The following RICTOR variants were observed in gnomAD, a reference collection of about 807,000 sequenced individuals.
The protein encoded by RICTOR is RPTOR independent companion of MTOR complex 2, also known as rapamycin-insensitive companion of mTOR.
RICTOR carries 49 observed loss-of-function variants against 214.9 expected under a neutral mutation model. That is an observed-to-expected ratio of 0.23 (90% CI 0.18 to 0.29). RICTOR has a LOEUF of 0.29. Ranked by LOEUF, RICTOR falls within the 10% of genes least tolerant of loss-of-function variation. The pLI is 1.00. For missense variants in RICTOR, 1,625 were observed against 2,047.0 expected (o/e 0.79, Z 3.98); for synonymous variants, 717 against 711.3 (o/e 1.01, Z -0.13).
chr5:38,954,528 TAAC>T (rs1337810399), intron 27 of RICTOR, among the ~76,000 whole-genome samples: 1 of 151,900 alleles, frequency 6.6e-6, no homozygotes, highest in African/African-American at 2.4e-5. Context: ...TTACTCTACA[TAAC>T]AAGTTAGTTA....
At chr5:39,006,789 A>AGAG (rs1754106835) in intron 3 of RICTOR, among the ~76,000 whole-genome samples, 1 of 84,698 alleles carries the variant, frequency 1.2e-5, no homozygotes, top group African/African-American at 4.6e-5. Flanking sequence ...AGGGGAGGGG[A>AGAG]GGGGGTCCCA....
At chr5:38,991,985 T>C (rs1752814654) in intron 6 of RICTOR, among the ~76,000 whole-genome samples, 1 of 152,062 alleles carries the variant, frequency 6.6e-6, no homozygotes, top group African/African-American at 2.4e-5. Flanking sequence ...AAAATAAAAC[T>C]TGTGAGATGA....
intron 32 of RICTOR, 51 bp downstream of exon 32, chr5:38,947,213 G>GA (rs1748304824): frequency 1.2e-5 from 16 of 1,375,086 alleles, no homozygotes; most frequent in Non-Finnish European, 1.6e-5. Flanking sequence ...TACAGCATAT[G>GA]AAAAAATAGG....
At chr5:38,952,494 T>A (rs1274414495) in intron 29 of RICTOR, 69 bp from the exon 30 acceptor site, 4 of 1,016,396 alleles carry the variant, frequency 3.9e-6, no homozygotes, top group Non-Finnish European at 6.0e-6. Context: ...CACCACAGAT[T>A]AATTTGCTAT....
intron 31 of RICTOR, among the ~76,000 whole-genome samples, chr5:38,947,858 A>G (rs920208578): frequency 1.3e-5 from 2 of 152,146 alleles, no homozygotes; most frequent in African/African-American, 4.8e-5. Context: ...TATTATATTT[A>G]TAAAAAATGA....
chr5:39,005,513 T>C (rs893685563), intron 3 of RICTOR, among the ~76,000 whole-genome samples: 2 of 152,220 alleles, frequency 1.3e-5, no homozygotes, highest in East Asian at 3.8e-4. Context: ...CATTCCAATG[T>C]GCTAATGAAA....
chr5:39,063,836 A>T (rs1232201360), intron 2 of RICTOR, among the ~76,000 whole-genome samples: 1 of 142,544 alleles, frequency 7.0e-6, no homozygotes, highest in East Asian at 2.0e-4. Flanking sequence ...CAATGGGGTT[A>T]AAAAAAAAAA....
intron 5 of RICTOR, 107 bp downstream of exon 5, chr5:39,002,428 A>C: frequency 1.5e-6 from 1 of 666,960 alleles, no homozygotes; most frequent in Non-Finnish European, 2.6e-6. Context: ...ACACACACAA[A>C]ATTCATCAAA....
chr5:38,969,713 GGCTGAAGT>G (rs1462254746), intron 11 of RICTOR: 1 of 142,732 alleles, frequency 7.0e-6, no homozygotes, highest in African/African-American at 2.7e-5. Context: ...CTGTGGCCCA[GGCTGAAGT>G]GCAGTGGCGT....
At chr5:39,037,326 A>C (rs1359437763) in intron 2 of RICTOR, among the ~76,000 whole-genome samples, 1 of 152,146 alleles carries the variant, frequency 6.6e-6, no homozygotes, top group Non-Finnish European at 1.5e-5. Context: ...CAGTGTGTAG[A>C]GGGAAATTTA....
intron 2 of RICTOR, among the ~76,000 whole-genome samples, chr5:39,035,897 A>G (rs1756650774): frequency 6.6e-6 from 1 of 152,226 alleles, no homozygotes. Context: ...ACTCTGCAGG[A>G]TATTATCCAG....
chr5:38,986,408 G>C (rs1032759052), intron 7 of RICTOR, among the ~76,000 whole-genome samples: 13 of 152,048 alleles, frequency 8.5e-5, no homozygotes, highest in African/African-American at 3.1e-4. Flanking sequence ...CAAACATACA[G>C]AATAACTAAT....
intron 2 of RICTOR, among the ~76,000 whole-genome samples, chr5:39,024,319 G>A (rs1307807005): frequency 6.6e-6 from 1 of 152,092 alleles, no homozygotes; most frequent in Admixed American, 6.6e-5. Context: ...TAGAGATTTT[G>A]GGGAGTTATT....
intron 2 of RICTOR, among the ~76,000 whole-genome samples, chr5:39,040,600 C>G (rs2150169074): frequency 6.6e-6 from 1 of 152,054 alleles, no homozygotes; most frequent in South Asian, 2.1e-4. Context: ...AAACAATGGT[C>G]CTTCCAAGGT....
intron 5 of RICTOR, among the ~76,000 whole-genome samples, chr5:39,000,167 A>G (rs1263611135): frequency 6.6e-6 from 1 of 152,026 alleles, no homozygotes; most frequent in African/African-American, 2.4e-5. Flanking sequence ...AATTGAGTCT[A>G]TAATTTTAAA....
At position 38,940,797 on chromosome 5, in the gene RICTOR, T is replaced by C. The variant is rs1280682030; in HGVS notation, c.*1507A>G. ...TTTAAAAAAGTATCTCTGTGAGTTA[T>C]GTTTTCTAGTTCACAGGGTTCTTTA... is the stretch of plus-strand genomic sequence containing the variant. On this transcript the variant is annotated 3_prime_UTR_variant, in exon 38 of 38. Transcript: ENST00000357387. 1 of 232,070 alleles carries C rather than the reference T, an allele frequency of 4.3e-6. No homozygotes were observed. Among genetic ancestry groups the C allele is most frequent in the East Asian group, 6.1e-5 (1 of 16,338 alleles). The allele number at this position is 232,070 out of a possible 1,614,324, so 14.4% of individuals were successfully genotyped here.
At chr5:39,008,653 A>G (rs1469596247) in intron 3 of RICTOR, among the ~76,000 whole-genome samples, 2 of 152,070 alleles carry the variant, frequency 1.3e-5, no homozygotes, top group Non-Finnish European at 2.9e-5. Context: ...CTGGCTATAT[A>G]TATACATAAA....
rs1748586619 is a variant in RICTOR at position 38,949,969 on chromosome 5, A to C, written c.3879T>G (p.Ser1293=). The part of the protein sequence containing the change: ...NSVSLVPPGS[S]HTLPRRAQSL... ...ACTGTGCTCTTCTAGGAAGCGTATG[A>C]GAAGAACCTGGAGGCACCAGGGACA... is the stretch of plus-strand genomic sequence containing the variant. The change falls in exon 31 of 38, where the codon TCT becomes TCG. Residue 1293 remains serine, a synonymous_variant. Transcript: ENST00000357387. The C allele has an allele frequency of 2.5e-6, 4 of 1,613,424 alleles. No individual in the cohort carries two copies. Among genetic ancestry groups the C allele is most frequent in the Non-Finnish European group, 3.4e-6 (4 of 1,179,668 alleles).
At chr5:39,014,454 A>G (rs985716517) in intron 3 of RICTOR, among the ~76,000 whole-genome samples, 3 of 152,120 alleles carry the variant, frequency 2.0e-5, no homozygotes, top group Admixed American at 6.5e-5. Context: ...TTCACTTTTT[A>G]TCATATATTC....
Sources: allele counts gnomAD v4.1 joint callset (sites outside exome capture counted in the v4.1 genomes callset), GRCh38; gene constraint gnomAD v4.1.1; transcripts MANE v1.5; gene names NCBI Gene and HGNC (gene_info 2026-07-23, HGNC 2026-07-21).